The following RBFOX1 variants were observed in gnomAD, a reference collection of about 807,000 sequenced individuals.
RBFOX1 encodes RNA binding protein fox-1 homolog 1.
A neutral mutation model predicts 57.7 loss-of-function variants in RBFOX1; 8 were observed. The ratio of observed to expected loss-of-function variants is 0.14; its 90% CI spans 0.08 to 0.25. The LOEUF is 0.25. RBFOX1 is among the 10% of genes least tolerant of loss of function. The pLI, the probability that RBFOX1 is intolerant of heterozygous loss-of-function variation, is 1.00. For synonymous variants in RBFOX1, 326 were observed against 222.4 expected, an observed-to-expected ratio of 1.47 and a Z score of -4.15; for missense variants, 611 against 548.5, an observed-to-expected ratio of 1.11 and a Z score of -1.14.
intron 3 of RBFOX1, among the ~76,000 whole-genome samples, chr16:6,688,270 A>C (rs1295806902): frequency 1.3e-5 from 2 of 152,064 alleles, no homozygotes; most frequent in African/African-American, 4.8e-5. Context: ...ATTGTAAACA[A>C]CCACATCTCA....
chr16:6,735,861 C>T (rs1055923790), intron 3 of RBFOX1, among the ~76,000 whole-genome samples: 2 of 152,164 alleles, frequency 1.3e-5, no homozygotes, highest in East Asian at 3.9e-4. Context: ...AATTCACAGG[C>T]CCTCCTTCTG....
chr16:6,596,920 C>A (rs1177146142), intron 2 of RBFOX1, among the ~76,000 whole-genome samples: 1 of 152,170 alleles, frequency 6.6e-6, no homozygotes, highest in Non-Finnish European at 1.5e-5. Flanking sequence ...TTCATACACA[C>A]ACACAGCATT....
At chr16:6,988,707 G>GCT (rs2090829057) in intron 3 of RBFOX1, among the ~76,000 whole-genome samples, 1 of 149,666 alleles carries the variant, frequency 6.7e-6, no homozygotes, top group Non-Finnish European at 1.5e-5. Context: ...TGGGATTACA[G>GCT]GTGTGTGACA....
At chr16:6,138,503 T>G (rs9935453) in intron 1 of RBFOX1, among the ~76,000 whole-genome samples, 1 of 152,018 alleles carries the variant, frequency 6.6e-6, no homozygotes, top group Non-Finnish European at 1.5e-5. Flanking sequence ...ATGTTTGCCT[T>G]TTTAAAGCCA....
intron 3 of RBFOX1, among the ~76,000 whole-genome samples, chr16:6,846,121 A>G (rs1555524292): frequency 6.6e-6 from 1 of 152,208 alleles, no homozygotes; most frequent in Middle Eastern, 3.4e-3. Context: ...TTTGTTTTTC[A>G]TTCGTATATC....
chr16:6,983,861 G>A (rs1025997733), intron 3 of RBFOX1: 2 of 152,416 alleles, frequency 1.3e-5, no homozygotes, highest in African/African-American at 4.8e-5. Context: ...ATGCAGCCAA[G>A]TGGAGAGAGT....
intron 2 of RBFOX1, among the ~76,000 whole-genome samples, chr16:6,427,510 C>T (rs1324140458): frequency 3.3e-5 from 5 of 152,094 alleles, no homozygotes; most frequent in Admixed American, 3.3e-4. Context: ...CAGAAAAAGG[C>T]AAAATAAAGA....
chr16:5,695,358 G>C (rs747036248), intron 3 of RBFOX1, among the ~76,000 whole-genome samples: 3 of 152,122 alleles, frequency 2.0e-5, no homozygotes, highest in Non-Finnish European at 4.4e-5. Context: ...TTCTATGAAA[G>C]AGCCACAGCA....
intron 1 of RBFOX1, among the ~76,000 whole-genome samples, chr16:5,377,835 A>G (rs1306349688): frequency 6.6e-6 from 1 of 151,620 alleles, no homozygotes; most frequent in African/African-American, 2.4e-5. Flanking sequence ...ACATTGTGAG[A>G]ACATTTTCAA....
chr16:6,483,232 G>T, intron 2 of RBFOX1: 1 of 1,232,824 alleles, frequency 8.1e-7, no homozygotes, highest in Non-Finnish European at 1.0e-6. Flanking sequence ...CCCGGGCCCT[G>T]GCGCCGCCGT....
At chr16:5,655,939 C>A (rs2049414433) in intron 3 of RBFOX1, among the ~76,000 whole-genome samples, 1 of 152,070 alleles carries the variant, frequency 6.6e-6, no homozygotes, top group African/African-American at 2.4e-5. Flanking sequence ...AGATTGTGAG[C>A]TCTGAGGAAG....
At chr16:5,890,034 G>C (rs902389451) in intron 4 of RBFOX1, among the ~76,000 whole-genome samples, 1 of 152,192 alleles carries the variant, frequency 6.6e-6, no homozygotes, top group Non-Finnish European at 1.5e-5. Context: ...GACACACGGG[G>C]TGTGTTGACT....
At chr16:6,744,285 A>C (rs1019825283) in intron 3 of RBFOX1, among the ~76,000 whole-genome samples, 2 of 152,122 alleles carry the variant, frequency 1.3e-5, no homozygotes, top group African/African-American at 4.8e-5. Context: ...TCAATAACTG[A>C]CAGAATAAAT....
Position 6,922,588 on chromosome 16 carries a change from T to C in RBFOX1, c.-15-129469T>C, listed in dbSNP as rs529207408. ...GTTGGCTTTTTTCGTGTGTGTGGAA[T>C]AAATGAACATGTGATTCTTTTACTT... On this transcript the variant is annotated intron_variant, in intron 3 of 15. Transcript: ENST00000550418. Among the ~76,000 whole-genome samples, 23 of 152,344 alleles carry C rather than the reference T, an allele frequency of 1.5e-4. No individual in the cohort carries two copies. In the South Asian group the frequency reaches 4.1e-3, roughly 27 times the overall value.
At chr16:7,071,892 A>G (rs1045442867) in intron 4 of RBFOX1, among the ~76,000 whole-genome samples, 6 of 152,076 alleles carry the variant, frequency 3.9e-5, no homozygotes, top group Non-Finnish European at 7.4e-5. Flanking sequence ...AGTTGTTGAG[A>G]CCAGAAGCTC....
intron 2 of RBFOX1, among the ~76,000 whole-genome samples, chr16:5,502,259 G>C (rs1047630137): frequency 6.6e-5 from 10 of 152,146 alleles, no homozygotes; most frequent in Non-Finnish European, 1.3e-4. Flanking sequence ...AAGAACGGCA[G>C]GGATGCCTTT....
At chr16:5,571,188 C>A (rs886086461) in intron 2 of RBFOX1, among the ~76,000 whole-genome samples, 6 of 150,076 alleles carry the variant, frequency 4.0e-5, no homozygotes, top group African/African-American at 7.4e-5. Context: ...TCCCTTGTCC[C>A]CTGGTAGTGA....
chr16:6,568,464 T>C (rs1048856980), intron 2 of RBFOX1, among the ~76,000 whole-genome samples: 8 of 152,016 alleles, frequency 5.3e-5, no homozygotes, highest in African/African-American at 1.9e-4. Context: ...AAGGGAGAGA[T>C]GCTAAGATGG....
intron 2 of RBFOX1, among the ~76,000 whole-genome samples, chr16:5,598,232 A>T (rs1198409619): frequency 6.6e-6 from 1 of 151,942 alleles, no homozygotes; most frequent in Non-Finnish European, 1.5e-5. Flanking sequence ...TCAAAAAAAA[A>T]AAAATAAATA....
Sources: gnomAD v4.1 joint callset for allele counts (sites outside exome capture counted in the v4.1 genomes callset) on GRCh38, gnomAD v4.1.1 for gene constraint, MANE v1.5 for transcripts, NCBI Gene and HGNC (gene_info 2026-07-23, HGNC 2026-07-21) for gene names.